TMEM132D: variants seen among roughly 807,000 people sequenced by gnomAD.
TMEM132D encodes mature OL transmembrane protein.
Under a neutral mutation model 62.3 loss-of-function variants are expected in TMEM132D, and 21 were observed. That is an observed-to-expected ratio of 0.34 (90% CI 0.24 to 0.49). The LOEUF (loss-of-function observed/expected upper bound fraction) is 0.49. TMEM132D is among the 20% of genes least tolerant of loss of function. The pLI is 0.99. For synonymous variants in TMEM132D, 621 were observed against 575.6 expected (o/e 1.08, Z -1.13); for missense variants, 1,346 against 1,402.8 (o/e 0.96, Z 0.65).
At chr12:129,087,943 G>GGGTGTCCTCCCTGACC (rs1565959474) in intron 5 of TMEM132D, among the ~76,000 whole-genome samples, 5 of 24,474 alleles carry the variant, frequency 2.0e-4, no homozygotes, top group South Asian at 1.6e-3. Flanking sequence ...CTCCATGACC[G>GGGTGTCCTCCCTGACC]GGGTGTCCTC....
intron 3 of TMEM132D, among the ~76,000 whole-genome samples, chr12:129,474,232 A>C (rs984803944): frequency 1.9e-4 from 29 of 152,290 alleles, no homozygotes; most frequent in African/African-American, 6.7e-4. Flanking sequence ...TAATATTTTT[A>C]CTATTAATAA....
At chr12:129,186,944 A>G (rs1393904876) in intron 5 of TMEM132D, among the ~76,000 whole-genome samples, 1 of 152,262 alleles carries the variant, frequency 6.6e-6, no homozygotes, top group East Asian at 1.9e-4. Flanking sequence ...AATATGAGGT[A>G]AATCATAAAT....
intron 2 of TMEM132D, among the ~76,000 whole-genome samples, chr12:129,680,654 C>A (rs1401114421): frequency 6.6e-6 from 1 of 152,152 alleles, no homozygotes; most frequent in Non-Finnish European, 1.5e-5. Flanking sequence ...AGTCAGGGAA[C>A]AGGACCCATC....
At position 129,903,155 on chromosome 12, in the gene TMEM132D, T is replaced by C. The variant is rs901177285; in HGVS notation, c.79+106A>G. 1 of 1,203,254 alleles carries C rather than the reference T, an allele frequency of 8.3e-7. No homozygotes were observed. Among genetic ancestry groups the C allele is most frequent in the East Asian group, 2.6e-5 (1 of 38,776 alleles). The allele number at this position is 1,203,254 out of a possible 1,614,324, so 74.5% of individuals were successfully genotyped here. A position where few individuals can be genotyped will look rare whatever the true frequency, so the allele number is the denominator to read the frequency against. ...CATGCACACAAGCGCGCACACACACTTGCACACGAGCCCTCTCTCCCGGCC... is the reference window on the plus strand; with the variant it reads ...CATGCACACAAGCGCGCACACACACCTGCACACGAGCCCTCTCTCCCGGCC... On this transcript the variant is annotated intron_variant, in intron 1 of 8. Coordinates refer to ENST00000422113, the MANE Select transcript of TMEM132D (RefSeq NM_133448.3). This position sits in a 1 kb window ranked among gnomAD's most constrained non-coding sequence, Gnocchi z 6.2.
intron 5 of TMEM132D, among the ~76,000 whole-genome samples, chr12:129,172,586 T>C (rs1201017977): frequency 6.6e-6 from 1 of 152,200 alleles, no homozygotes; most frequent in Non-Finnish European, 1.5e-5. Context: ...CTCATTTCTT[T>C]TTCTTTTTTG....
At chr12:129,361,119 T>G (rs929422600) in intron 3 of TMEM132D, among the ~76,000 whole-genome samples, 1 of 152,086 alleles carries the variant, frequency 6.6e-6, no homozygotes, top group Non-Finnish European at 1.5e-5. Context: ...AAACAGTGTT[T>G]GGAGTGTTGG....
intron 4 of TMEM132D, among the ~76,000 whole-genome samples, chr12:129,328,392 T>C (rs1868988457): frequency 6.6e-6 from 1 of 152,200 alleles, no homozygotes; most frequent in Non-Finnish European, 1.5e-5. Context: ...ACATCATAGC[T>C]TATTTGTTCA....
At chr12:129,149,704 G>A (rs376186739) in intron 5 of TMEM132D, among the ~76,000 whole-genome samples, 6 of 152,156 alleles carry the variant, frequency 3.9e-5, no homozygotes, top group African/African-American at 1.2e-4. Context: ...CTCCAGCCCC[G>A]CTTTTCAATC....
At chr12:129,864,244 C>A (rs1324240390) in intron 1 of TMEM132D, among the ~76,000 whole-genome samples, 1 of 152,176 alleles carries the variant, frequency 6.6e-6, no homozygotes, top group Non-Finnish European at 1.5e-5. Flanking sequence ...ATTCTCCAGC[C>A]CCTGTCAGGC....
At chr12:129,127,689 A>G (rs566809297) in intron 5 of TMEM132D, among the ~76,000 whole-genome samples, 7 of 152,146 alleles carry the variant, frequency 4.6e-5, no homozygotes, top group Non-Finnish European at 5.9e-5. Flanking sequence ...GAAGGAGCAC[A>G]TTCAACAAAA....
At chr12:129,828,116 C>T (rs973201140) in intron 1 of TMEM132D, among the ~76,000 whole-genome samples, 4 of 152,046 alleles carry the variant, frequency 2.6e-5, no homozygotes, top group Admixed American at 6.6e-5. Context: ...TGCAAAGATA[C>T]CCACAGTAGC....
chr12:129,903,474 C>A lies in TMEM132D; in HGVS notation c.-135G>T. The A allele has an allele frequency of 2.3e-6, 2 of 875,726 alleles. No individual in the cohort carries two copies. Among genetic ancestry groups the A allele is most frequent in the South Asian group, 1.7e-5 (1 of 58,454 alleles). 54.2% of individuals were successfully genotyped at this position (875,726 alleles called of 1,614,324 possible). Reference sequence around the variant, plus strand: ...CGGCTAGGGGCCCGAGCAGCCCGGGCGCCCTGCTCCCTCTTCCCGCCAGTC... The same window carrying A: ...CGGCTAGGGGCCCGAGCAGCCCGGGAGCCCTGCTCCCTCTTCCCGCCAGTC... On this transcript the variant is annotated 5_prime_UTR_variant, in exon 1 of 9. Coordinates refer to ENST00000422113, the MANE Select transcript of TMEM132D (RefSeq NM_133448.3). The surrounding 1 kb of genome is among the most constrained non-coding windows in gnomAD (Gnocchi z 6.2).
At chr12:129,188,765 GAGAGA>G (rs1878296401) in intron 5 of TMEM132D, among the ~76,000 whole-genome samples, 90 of 2,350 alleles carry the variant, frequency 0.038, no homozygotes, top group Admixed American at 0.052. Context: ...GAGAGAGGGA[GAGAGA>G]GAGAGAGAGA....
chr12:129,510,934 G>A (rs757548187), intron 3 of TMEM132D, among the ~76,000 whole-genome samples: 13 of 152,154 alleles, frequency 8.5e-5, no homozygotes, highest in East Asian at 1.9e-4. Context: ...AGTACCATGC[G>A]GTTTAGGTTA....
intron 5 of TMEM132D, among the ~76,000 whole-genome samples, chr12:129,105,240 G>C (rs1267430973): frequency 2.8e-5 from 4 of 143,654 alleles, no homozygotes; most frequent in Non-Finnish European, 6.0e-5. Flanking sequence ...CATGTCCTTT[G>C]TAGGGACATG....
chr12:129,672,137 A>T (rs1174522512), intron 2 of TMEM132D, among the ~76,000 whole-genome samples: 2 of 152,226 alleles, frequency 1.3e-5, no homozygotes, highest in Non-Finnish European at 2.9e-5. Context: ...AGGATGTGAA[A>T]GAGAGGTTGG....
intron 1 of TMEM132D, among the ~76,000 whole-genome samples, chr12:129,740,634 CT>C (rs1277670189): frequency 6.6e-6 from 1 of 152,122 alleles, no homozygotes; most frequent in African/African-American, 2.4e-5. Context: ...TATTCCAAGG[CT>C]TTCAAGGATG....
chr12:129,638,504 CATAT>C (rs1469832544), intron 2 of TMEM132D, among the ~76,000 whole-genome samples: 1 of 43,234 alleles, frequency 2.3e-5, no homozygotes, highest in Non-Finnish European at 5.4e-5. Flanking sequence ...TATATATAAA[CATAT>C]ATAAATATAT....
chr12:129,604,300 G>A (rs971861533), intron 2 of TMEM132D, among the ~76,000 whole-genome samples: 4 of 152,112 alleles, frequency 2.6e-5, no homozygotes, highest in Non-Finnish European at 4.4e-5. Context: ...AAACCTGCAC[G>A]TTCAGCACAT....
Sources: allele counts gnomAD v4.1 joint callset (sites outside exome capture counted in the v4.1 genomes callset), GRCh38; gene constraint gnomAD v4.1.1; non-coding constraint Gnocchi (gnomAD v3.1); transcripts MANE v1.5; gene names NCBI Gene and HGNC (gene_info 2026-07-23, HGNC 2026-07-21).